PPP4R3A: variants seen among roughly 807,000 people sequenced by gnomAD.
PPP4R3A encodes serine/threonine-protein phosphatase 4 regulatory subunit 3A.
In PPP4R3A, 15 loss-of-function variants were observed where a neutral mutation model predicts 91.7. The ratio of observed to expected loss-of-function variants is 0.16; its 90% CI spans 0.11 to 0.25. The LOEUF (loss-of-function observed/expected upper bound fraction) is 0.25, where lower values mean the gene tolerates loss of function less well. PPP4R3A is among the 10% of genes least tolerant of loss of function. The pLI is 1.00. For missense variants in PPP4R3A, 623 were observed against 998.4 expected, an observed-to-expected ratio of 0.62 and a Z score of 5.07; for synonymous variants, 377 against 348.7, an observed-to-expected ratio of 1.08 and a Z score of -0.91.
intron 1 of PPP4R3A, among the ~76,000 whole-genome samples, chr14:91,505,702 A>G (rs1366456792): frequency 6.6e-6 from 1 of 152,196 alleles, no homozygotes; most frequent in Non-Finnish European, 1.5e-5. Context: ...GAAAAGAAAA[A>G]CTTCAACACA....
chr14:91,505,260 C>T (rs906506143), intron 1 of PPP4R3A, among the ~76,000 whole-genome samples: 2 of 152,120 alleles, frequency 1.3e-5, no homozygotes, highest in Non-Finnish European at 2.9e-5. Flanking sequence ...CAAGACCAGC[C>T]TGGCCAACAT....
chr14:91,476,401 A>C lies in PPP4R3A; in HGVS notation c.1110+7T>G, dbSNP rs770244182. On this transcript the variant is annotated splice_region_variant and intron_variant, in intron 6 of 14. Transcript: ENST00000554943. Reference sequence around the variant, plus strand: ...GGTAATTAAAAATGAGGAGACACAAAACTTACAAGGATGACTTCTAAAGCT... The same window carrying C: ...GGTAATTAAAAATGAGGAGACACAACACTTACAAGGATGACTTCTAAAGCT... The C allele has an allele frequency of 6.4e-7, 1 of 1,569,124 alleles. No homozygotes were observed. Among genetic ancestry groups the C allele is most frequent in the East Asian group, 2.3e-5 (1 of 44,398 alleles).
At chr14:91,486,145 T>A (rs918083709) in intron 2 of PPP4R3A, among the ~76,000 whole-genome samples, 1 of 152,158 alleles carries the variant, frequency 6.6e-6, no homozygotes, top group Non-Finnish European at 1.5e-5. Context: ...TTCCCTCTAT[T>A]GTCAGCAGGT....
intron 10 of PPP4R3A, among the ~76,000 whole-genome samples, chr14:91,466,944 C>CACACAA: frequency 6.6e-6 from 1 of 151,628 alleles, no homozygotes; most frequent in Non-Finnish European, 1.5e-5. Context: ...TACCATAACA[C>CACACAA]ACACACACAC....
intron 2 of PPP4R3A, among the ~76,000 whole-genome samples, chr14:91,487,565 A>C (rs1453866451): frequency 6.6e-6 from 1 of 152,208 alleles, no homozygotes; most frequent in Non-Finnish European, 1.5e-5. Flanking sequence ...GTAACCAAAA[A>C]CAGCCATGCA....
upstream of PPP4R3A, chr14:91,510,380 C>G (rs1199802469): frequency 1.3e-5 from 2 of 152,584 alleles, no homozygotes; most frequent in African/African-American, 4.8e-5. Context: ...AGCAGCGAGA[C>G]CGGGAGCCTT....
intron 6 of PPP4R3A, among the ~76,000 whole-genome samples, chr14:91,476,174 T>G (rs1183353164): frequency 6.6e-6 from 1 of 152,222 alleles, no homozygotes; most frequent in Non-Finnish European, 1.5e-5. Context: ...ACATTTCAGC[T>G]AATAAGCTGC....
intron 3 of PPP4R3A, among the ~76,000 whole-genome samples, chr14:91,484,955 T>A (rs987384664): frequency 6.6e-6 from 1 of 151,890 alleles, no homozygotes; most frequent in Non-Finnish European, 1.5e-5. Flanking sequence ...ATTAAGAACA[T>A]TCGAGCCTAG....
At chr14:91,481,374 A>G (rs1889546971) in intron 4 of PPP4R3A, among the ~76,000 whole-genome samples, 1 of 152,042 alleles carries the variant, frequency 6.6e-6, no homozygotes, top group Non-Finnish European at 1.5e-5. Flanking sequence ...TTCAAACTAC[A>G]TTTGTCACAC....
chr14:91,471,818 C>T (rs913006731), intron 9 of PPP4R3A, among the ~76,000 whole-genome samples: 1 of 152,126 alleles, frequency 6.6e-6, no homozygotes, highest in African/African-American at 2.4e-5. Flanking sequence ...AATCCCAGCA[C>T]TTTGGGAGGC....
intron 2 of PPP4R3A, among the ~76,000 whole-genome samples, chr14:91,487,850 G>T: frequency 6.6e-6 from 1 of 152,174 alleles, no homozygotes; most frequent in East Asian, 1.9e-4. Context: ...CCAAGTAGCT[G>T]GAACTACAGG....
At chr14:91,468,617 G>A (rs1254047684) in intron 10 of PPP4R3A, among the ~76,000 whole-genome samples, 5 of 121,692 alleles carry the variant, frequency 4.1e-5, no homozygotes, top group Admixed American at 1.1e-4. Flanking sequence ...GCAGTGAGCC[G>A]AGATCGTACC....
At chr14:91,488,968 C>T (rs957090204) in intron 2 of PPP4R3A, among the ~76,000 whole-genome samples, 4 of 139,144 alleles carry the variant, frequency 2.9e-5, no homozygotes, top group South Asian at 4.5e-4. Flanking sequence ...AGTGCAGTGG[C>T]GCAATCTCGG....
Position 91,458,704 on chromosome 14 carries a change from A to G in PPP4R3A, c.*55T>C. ...CTTTGTTGTGGATTTTGTATGGGGG[A>G]GGGGTGGAGAACCAGTTTTTTTCAA... On this transcript the variant is annotated 3_prime_UTR_variant, in exon 15 of 15. Transcript: ENST00000554943. The G allele has an allele frequency of 6.2e-7, 1 of 1,612,752 alleles. No homozygotes were observed.
chr14:91,458,592 C>T lies in PPP4R3A; in HGVS notation c.*167G>A. ...TCCCCTAAATATATGATATCCCCTC[C>T]TCCTGCTCCATTGAATTGGCACTTG... On this transcript the variant is annotated 3_prime_UTR_variant, in exon 15 of 15. Transcript: ENST00000554943. The T allele has an allele frequency of 1.1e-6, 1 of 949,122 alleles. No homozygotes were observed. The highest frequency in any genetic ancestry group is 1.7e-6 in the Non-Finnish European group (1 of 583,976). The allele number at this position is 949,122 out of a possible 1,614,324, so 58.8% of individuals were successfully genotyped here. A position where few individuals can be genotyped will look rare whatever the true frequency, so the allele number is the denominator to read the frequency against.
At chr14:91,489,381 T>C (rs1387813798) in intron 2 of PPP4R3A, among the ~76,000 whole-genome samples, 1 of 152,248 alleles carries the variant, frequency 6.6e-6, no homozygotes. Context: ...CATTCTGCTA[T>C]AACGTATATT....
In PPP4R3A at chr14:91,482,890, A is replaced by G. The variant is rs559789695; in HGVS notation, c.298-697T>C. Among the ~76,000 whole-genome samples the G allele has an allele frequency of 6.6e-5, 10 of 152,308 alleles. No individual in the cohort carries two copies. In the South Asian group the frequency reaches 1.9e-3, roughly 28 times the overall value. ...CCTACATAAAAATGAAGCCACATATAAAGTAAATACAACCTATATGTAGTA... is the reference window on the plus strand; with the variant it reads ...CCTACATAAAAATGAAGCCACATATGAAGTAAATACAACCTATATGTAGTA... On this transcript the variant is annotated intron_variant, in intron 3 of 14. Coordinates refer to ENST00000554943, the MANE Select transcript of PPP4R3A (RefSeq NM_001366432.2).
chr14:91,507,394 T>TATAATTATATATACTATATA (rs1566660222), intron 1 of PPP4R3A, among the ~76,000 whole-genome samples: 15,800 of 59,164 alleles, frequency 0.27, 1,855 homozygotes, highest in Non-Finnish European at 0.4. Flanking sequence ...ATATAGTATA[T>TATAATTATATATACTATATA]GTACTATAAT....
chr14:91,507,342 T>TATAG (rs1481331376), intron 1 of PPP4R3A, among the ~76,000 whole-genome samples: 1 of 112,364 alleles, frequency 8.9e-6, no homozygotes, highest in African/African-American at 4.1e-5. Context: ...TCTATACATA[T>TATAG]TATATATACT....
Sources: gnomAD v4.1 joint callset for allele counts (sites outside exome capture counted in the v4.1 genomes callset) on GRCh38, gnomAD v4.1.1 for gene constraint, MANE v1.5 for transcripts, NCBI Gene and HGNC (gene_info 2026-07-23, HGNC 2026-07-21) for gene names.